Variants in ADAM2 observed in about 807,000 individuals in gnomAD.
ADAM2 encodes ADAM metallopeptidase domain 2.
Under a neutral mutation model 99.3 loss-of-function variants are expected in ADAM2, and 101 were observed. That is an observed-to-expected ratio of 1.02 (90% confidence interval 0.87 to 1.20). ADAM2 has a LOEUF of 1.20. Ranked by LOEUF, ADAM2 falls within the 50% of genes most tolerant of loss-of-function variation. The pLI is 0.00. For missense variants in ADAM2, 948 were observed against 878.7 expected (o/e 1.08, Z -1.00); for synonymous variants, 323 against 287.6 (o/e 1.12, Z -1.25).
intron 7 of ADAM2, among the ~76,000 whole-genome samples, chr8:39,808,727 C>T (rs1033818182): frequency 8.5e-5 from 13 of 152,152 alleles, no homozygotes; most frequent in South Asian, 2.1e-4. Context: ...ACCATCCTGG[C>T]CAATGTGGTG....
intron 11 of ADAM2, among the ~76,000 whole-genome samples, chr8:39,776,170 C>T (rs1017301183): frequency 5.9e-5 from 9 of 152,086 alleles, no homozygotes; most frequent in Admixed American, 2.6e-4. Context: ...GCCCTTGTTG[C>T]TATCAGATCA....
At chr8:39,778,498 ACT>A (rs1414111108) in intron 10 of ADAM2, among the ~76,000 whole-genome samples, 1 of 151,774 alleles carries the variant, frequency 6.6e-6, no homozygotes, top group Non-Finnish European at 1.5e-5. Flanking sequence ...TGATAAAATG[ACT>A]CTCTTCCCTC....
At chr8:39,801,797 A>C (rs909077044) in intron 7 of ADAM2, among the ~76,000 whole-genome samples, 1 of 152,130 alleles carries the variant, frequency 6.6e-6, no homozygotes, top group Admixed American at 6.5e-5. Flanking sequence ...CGCTGGCCGC[A>C]TACTGCCACA....
chr8:39,787,033 C>T lies in ADAM2; in HGVS notation c.832G>A (p.Val278Ile). The T allele has an allele frequency of 6.3e-7, 1 of 1,590,000 alleles. No homozygotes were observed. The highest frequency in any genetic ancestry group is 8.6e-7 in the Non-Finnish European group (1 of 1,167,718). ...ATCTTCCCTTGAAAGGTTGCACCAA[C>T]ATAATTTGACTTTTCTCTGTAACTT... ...LLVYREKSNY[V>I]GATFQGKMCD... Residue 278 changes from valine to isoleucine, a missense_variant, in exon 10 of 21, where the codon GTT becomes ATT. Transcript: ENST00000265708.
intron 17 of ADAM2, 48 bp downstream of exon 17, chr8:39,749,608 CAGTTTCCTAAA>C: frequency 7.0e-7 from 1 of 1,434,814 alleles, no homozygotes; most frequent in East Asian, 2.3e-5. Flanking sequence ...TGTAGCAATG[CAGTTTCCTAAA>C]ATTAGGCTCA....
chr8:39,799,524 G>GT (rs1804116210), intron 7 of ADAM2, among the ~76,000 whole-genome samples: 25 of 152,222 alleles, frequency 1.6e-4, no homozygotes, highest in Admixed American at 1.6e-3. Context: ...ATTTAGGGTA[G>GT]AGAGTTCTGT....
intron 10 of ADAM2, among the ~76,000 whole-genome samples, chr8:39,784,919 A>G (rs1295024008): frequency 6.6e-6 from 1 of 151,918 alleles, no homozygotes; most frequent in Admixed American, 6.6e-5. Context: ...TGCTTGTTCA[A>G]TTGTTTCACC....
At chr8:39,753,831 T>A (rs79570230) in intron 16 of ADAM2, among the ~76,000 whole-genome samples, 13 of 108,918 alleles carry the variant, frequency 1.2e-4, no homozygotes, top group African/African-American at 3.2e-4. Flanking sequence ...ACACACACAC[T>A]CACACACACA....
At chr8:39,784,883 A>G (rs1803394956) in intron 10 of ADAM2, among the ~76,000 whole-genome samples, 1 of 152,074 alleles carries the variant, frequency 6.6e-6, no homozygotes, top group Admixed American at 6.6e-5. Flanking sequence ...TCTTTTGCCC[A>G]TTTTTTAATG....
At chr8:39,818,326 T>G (rs1789423898) in intron 6 of ADAM2, among the ~76,000 whole-genome samples, 1 of 152,086 alleles carries the variant, frequency 6.6e-6, no homozygotes, top group African/African-American at 2.4e-5. Context: ...AATGAAATTA[T>G]TATCTCAACA....
At chr8:39,822,987 T>C (rs934533178) in intron 4 of ADAM2, among the ~76,000 whole-genome samples, 1 of 152,160 alleles carries the variant, frequency 6.6e-6, no homozygotes, top group Non-Finnish European at 1.5e-5. Flanking sequence ...CAGGATGGTC[T>C]CCATCTCTTG....
chr8:39,792,280 T>A (rs1258193822), intron 7 of ADAM2, among the ~76,000 whole-genome samples: 1 of 151,990 alleles, frequency 6.6e-6, no homozygotes, highest in African/African-American at 2.4e-5. Context: ...TTACAATGGC[T>A]TTTATGAGGA....
At chr8:39,770,167 T>G (rs974944776) in intron 11 of ADAM2, among the ~76,000 whole-genome samples, 2 of 152,292 alleles carry the variant, frequency 1.3e-5, no homozygotes, top group East Asian at 3.9e-4. Context: ...CAGGCTGGTC[T>G]AGAACTCCTG....
At chr8:39,793,626 C>A (rs960691975) in intron 7 of ADAM2, among the ~76,000 whole-genome samples, 1 of 152,058 alleles carries the variant, frequency 6.6e-6, no homozygotes, top group African/African-American at 2.4e-5. Context: ...AAGTCTTTTG[C>A]ATAAGAGTAG....
At chr8:39,776,140 C>CA in intron 11 of ADAM2, among the ~76,000 whole-genome samples, 1 of 152,226 alleles carries the variant, frequency 6.6e-6, no homozygotes, top group East Asian at 1.9e-4. Context: ...GCACTTTTCA[C>CA]ATTATCTTTT....
chr8:39,808,932 A>C (rs1432136896), intron 7 of ADAM2, among the ~76,000 whole-genome samples: 1 of 152,116 alleles, frequency 6.6e-6, no homozygotes, highest in East Asian at 1.9e-4. Flanking sequence ...TAAATAAATA[A>C]ATACATAAAG....
chr8:39,809,754 G>C (rs1669778965), intron 6 of ADAM2, among the ~76,000 whole-genome samples: 1 of 151,820 alleles, frequency 6.6e-6, no homozygotes, highest in African/African-American at 2.4e-5. Flanking sequence ...CTTTTACCAG[G>C]CCTGCCTTAC....
intron 11 of ADAM2, chr8:39,774,519 T>C (rs1802913397): frequency 6.6e-6 from 1 of 151,988 alleles, no homozygotes; most frequent in Non-Finnish European, 1.5e-5. Flanking sequence ...CACAAACAAT[T>C]GCAAATTTCA....
chr8:39,752,179 C>T (rs965136613), intron 16 of ADAM2, among the ~76,000 whole-genome samples: 1 of 152,070 alleles, frequency 6.6e-6, no homozygotes, highest in Non-Finnish European at 1.5e-5. Flanking sequence ...CACCAATGAC[C>T]AAGCATTTTG....
Sources: gnomAD v4.1 joint callset for allele counts (sites outside exome capture counted in the v4.1 genomes callset) on GRCh38, gnomAD v4.1.1 for gene constraint, MANE v1.5 for transcripts, NCBI Gene and HGNC (gene_info 2026-07-23, HGNC 2026-07-21) for gene names.